ERBB4: variants seen among roughly 807,000 people sequenced by gnomAD.
The protein encoded by ERBB4 is erb-b2 receptor tyrosine kinase 4.
Under a neutral mutation model 158.0 loss-of-function variants are expected in ERBB4, and 42 were observed. That is an observed-to-expected ratio of 0.27 (90% confidence interval 0.21 to 0.34). The LOEUF is 0.34. ERBB4 is among the 10% of genes least tolerant of loss of function. The probability of loss-of-function intolerance (pLI) is 1.00; values close to 1 mark genes in which losing one functional copy is unlikely to be tolerated. For synonymous variants in ERBB4, 583 were observed against 558.7 expected, an observed-to-expected ratio of 1.04 and a Z score of -0.61; for missense variants, 1,333 against 1,624.1, an observed-to-expected ratio of 0.82 and a Z score of 3.08.
At chr2:211,969,613 G>T (rs1229994631) in intron 2 of ERBB4, among the ~76,000 whole-genome samples, 1 of 151,930 alleles carries the variant, frequency 6.6e-6, no homozygotes, top group Non-Finnish European at 1.5e-5. Flanking sequence ...CTTTAAGGCT[G>T]GGAAGGGTGC....
chr2:211,549,955 A>G (rs367572796), intron 20 of ERBB4, among the ~76,000 whole-genome samples: 1 of 152,122 alleles, frequency 6.6e-6, no homozygotes, highest in East Asian at 1.9e-4. Flanking sequence ...ATACATGATA[A>G]AGTGGAACTT....
chr2:211,742,244 AAAC>A (rs1301936992), intron 5 of ERBB4, among the ~76,000 whole-genome samples: 4 of 152,218 alleles, frequency 2.6e-5, no homozygotes, highest in Non-Finnish European at 5.9e-5. Flanking sequence ...CCTTCTTTTT[AAAC>A]AACATTTGTT....
At chr2:211,498,917 CT>C (rs2125587203) in intron 20 of ERBB4, among the ~76,000 whole-genome samples, 1 of 152,234 alleles carries the variant, frequency 6.6e-6, no homozygotes, top group Admixed American at 6.5e-5. Context: ...GGTATAACTG[CT>C]GATGCTTCCC....
intron 25 of ERBB4, among the ~76,000 whole-genome samples, chr2:211,392,558 C>CACACACACACA: frequency 7.1e-6 from 1 of 141,012 alleles, no homozygotes; most frequent in African/African-American, 2.6e-5. Context: ...CTCTCTTACT[C>CACACACACACA]CACACACACA....
rs113006465 is a variant in ERBB4, at chr2:212,205,296, G to T, written c.83-80393C>A. On this transcript the variant is annotated intron_variant, in intron 1 of 27. Coordinates refer to ENST00000342788, the MANE Select transcript of ERBB4 (RefSeq NM_005235.3). ...CCACCTCAGCCTCCCAAGTAGCTAG[G>T]ATTGCAGGTGCGTGCCACCACGCCA... 4.8e-3 allele frequency among the ~76,000 whole-genome samples: 736 copies of T among 152,266 alleles called. 7 individuals are homozygous for T. The highest frequency in any genetic ancestry group is 0.017 in the Middle Eastern group (5 of 294).
intron 3 of ERBB4, among the ~76,000 whole-genome samples, chr2:211,864,131 C>G (rs2078142563): frequency 6.6e-6 from 1 of 152,200 alleles, no homozygotes; most frequent in African/African-American, 2.4e-5. Context: ...TGTGCCTGCC[C>G]CTTCAGTAGC....
At chr2:211,923,041 A>T (rs964675428) in intron 3 of ERBB4, among the ~76,000 whole-genome samples, 1 of 152,182 alleles carries the variant, frequency 6.6e-6, no homozygotes, top group Admixed American at 6.6e-5. Context: ...AATATATGTC[A>T]GTTATTCCAC....
In ERBB4 at chr2:212,243,611, A is replaced by T. The variant is rs1039151064; in HGVS notation, c.83-118708T>A. On this transcript the variant is annotated intron_variant, in intron 1 of 27. Transcript: ENST00000342788. The stretch of plus-strand genomic sequence containing the variant: ...ATATACTGTAGGATAGGACTTATAT[A>T]ATAAGAGATACCCAAAATGTTATAA... Among the ~76,000 whole-genome samples the T allele has an allele frequency of 5.9e-5, 9 of 152,116 alleles. 1 individual carries two copies. The highest frequency in any genetic ancestry group is 1.3e-4 in the Non-Finnish European group (9 of 68,020).
intron 1 of ERBB4, among the ~76,000 whole-genome samples, chr2:212,430,345 G>A (rs923908124): frequency 6.6e-6 from 1 of 151,664 alleles, no homozygotes; most frequent in African/African-American, 2.4e-5. Flanking sequence ...CATAAAACCT[G>A]TTAATAAAGA....
chr2:211,678,966 CAAAAAAAAAAA>C (rs71054127), intron 13 of ERBB4, 75 bp downstream of exon 13: 19 of 504,568 alleles, frequency 3.8e-5, no homozygotes, highest in Non-Finnish European at 5.0e-5. Flanking sequence ...GACTCCGTCT[CAAAAAAAAAAA>C]AAAAAAAAAA....
intron 2 of ERBB4, among the ~76,000 whole-genome samples, chr2:211,981,351 G>C (rs77756874): frequency 1.3e-5 from 2 of 152,156 alleles, no homozygotes; most frequent in Non-Finnish European, 2.9e-5. Flanking sequence ...AATTCTAACC[G>C]ATGACCTTGT....
At chr2:212,238,413 T>C (rs891468780) in intron 1 of ERBB4, among the ~76,000 whole-genome samples, 2 of 152,130 alleles carry the variant, frequency 1.3e-5, no homozygotes, top group Non-Finnish European at 2.9e-5. Context: ...GCAACCACTG[T>C]CTAACCAGTC....
intron 4 of ERBB4, among the ~76,000 whole-genome samples, chr2:211,759,444 C>T (rs1428953501): frequency 6.6e-6 from 1 of 152,088 alleles, no homozygotes; most frequent in Non-Finnish European, 1.5e-5. Flanking sequence ...TCTTCAAGGA[C>T]CTACAACACG....
chr2:211,431,697 A>G (rs1413975650), intron 20 of ERBB4, among the ~76,000 whole-genome samples: 5 of 152,174 alleles, frequency 3.3e-5, no homozygotes, highest in Non-Finnish European at 7.3e-5. Context: ...TTTTAAGAAG[A>G]CTTCTATGGT....
chr2:211,908,130 C>T (rs1007419101), intron 3 of ERBB4, among the ~76,000 whole-genome samples: 2 of 151,698 alleles, frequency 1.3e-5, no homozygotes, highest in Non-Finnish European at 2.9e-5. Context: ...CATTAGAGTT[C>T]ACCAGTCTGG....
intron 2 of ERBB4, among the ~76,000 whole-genome samples, chr2:212,063,482 A>C (rs938357933): frequency 2.0e-5 from 3 of 152,140 alleles, no homozygotes; most frequent in African/African-American, 7.2e-5. Context: ...AAAGGCAAAT[A>C]AATTTCAGAT....
At chr2:212,168,079 A>G (rs2081404035) in intron 1 of ERBB4, among the ~76,000 whole-genome samples, 1 of 152,104 alleles carries the variant, frequency 6.6e-6, no homozygotes, top group Non-Finnish European at 1.5e-5. Flanking sequence ...AAAAAAAAAA[A>G]AAAACTTGTC....
intron 2 of ERBB4, among the ~76,000 whole-genome samples, chr2:212,017,814 A>G (rs576605666): frequency 1.3e-5 from 2 of 152,162 alleles, no homozygotes; most frequent in South Asian, 4.1e-4. Flanking sequence ...GTTTAGTGAT[A>G]ACTATTACTA....
intron 9 of ERBB4, among the ~76,000 whole-genome samples, chr2:211,706,240 G>GTA (rs2073434615): frequency 6.6e-6 from 1 of 152,132 alleles, no homozygotes; most frequent in Non-Finnish European, 1.5e-5. Context: ...TTAGAAGTAT[G>GTA]TATCTACCTG....
Sources: allele counts gnomAD v4.1 joint callset (sites outside exome capture counted in the v4.1 genomes callset), GRCh38; gene constraint gnomAD v4.1.1; transcripts MANE v1.5; gene names NCBI Gene and HGNC (gene_info 2026-07-23, HGNC 2026-07-21).